SH3BP4: variants seen among roughly 807,000 people sequenced by gnomAD.
SH3BP4 encodes the protein SH3 domain-binding protein 4.
In SH3BP4, 33 loss-of-function variants were observed where a neutral mutation model predicts 65.5. The observed-to-expected ratio is 0.50, with a 90% confidence interval of 0.38 to 0.67. SH3BP4 has a LOEUF of 0.67. SH3BP4 is among the 30% of genes least tolerant of loss of function. The pLI, the probability that SH3BP4 is intolerant of heterozygous loss-of-function variation, is 0.00. For synonymous variants in SH3BP4, 552 were observed against 545.5 expected, an observed-to-expected ratio of 1.01 and a Z score of -0.17; for missense variants, 1,134 against 1,261.4, an observed-to-expected ratio of 0.90 and a Z score of 1.53.
intron 1 of SH3BP4, among the ~76,000 whole-genome samples, chr2:234,968,483 A>C (rs1210073770): frequency 6.7e-6 from 1 of 148,566 alleles, no homozygotes; most frequent in African/African-American, 2.5e-5. Context: ...TACTTTGGAG[A>C]ATTTATTGAA....
Position 235,045,268 on chromosome 2 carries a change from C to T in SH3BP4, c.2478+2021C>T, listed in dbSNP as rs1267306715. ...AGCATTGCTGAGCCCAGGACACTCA[C>T]CTCGACGTTGCACCAGAGGTGGAAA... On this transcript the variant is annotated intron_variant, in intron 4 of 5. Transcript: ENST00000392011. This position sits in a 1 kb window ranked among gnomAD's most constrained non-coding sequence, Gnocchi z 4.3. 2.0e-5 allele frequency among the ~76,000 whole-genome samples: 3 copies of T among 152,164 alleles called. No individual in the cohort carries two copies. The highest frequency in any genetic ancestry group is 7.2e-5 in the African/African-American group (3 of 41,432).
chr2:235,021,718 C>G (rs897134913), intron 2 of SH3BP4, among the ~76,000 whole-genome samples: 1 of 151,426 alleles, frequency 6.6e-6, no homozygotes, highest in African/African-American at 2.4e-5. Flanking sequence ...GCATAGAAGC[C>G]AGACCTTCCA....
rs371391921 is a variant in SH3BP4 at position 235,042,879 on chromosome 2, A to T, written c.2110A>T (p.Ile704Phe). The part of the protein sequence containing the change: ...RGQLWTKEWY[I>F]GYYQGRVGLV... Reference sequence around the variant, plus strand: ...CCAGCTGTGGACCAAGGAGTGGTACATCGGCTACTACCAGGGCAGGGTGGG... The same window carrying T: ...CCAGCTGTGGACCAAGGAGTGGTACTTCGGCTACTACCAGGGCAGGGTGGG... Residue 704 changes from isoleucine (I) to phenylalanine (F), a missense_variant, in exon 4 of 6, where the codon ATC (isoleucine) becomes TTC (phenylalanine). By Grantham distance (21) the Ile-to-Phe change is conservative. Transcript: ENST00000392011. This position sits in a 1 kb window ranked among gnomAD's most constrained non-coding sequence, Gnocchi z 7.3. The T allele has an allele frequency of 1.2e-6, 2 of 1,613,606 alleles. No homozygotes were observed. Among genetic ancestry groups the T allele is most frequent in the Admixed American group, 3.3e-5 (2 of 60,030 alleles).
At chr2:234,993,178 G>A (rs1244277914) in intron 1 of SH3BP4, among the ~76,000 whole-genome samples, 1 of 152,220 alleles carries the variant, frequency 6.6e-6, no homozygotes, top group Non-Finnish European at 1.5e-5. Context: ...GATGAGCCCC[G>A]GGGGTCGGTT....
At chr2:234,962,747 CT>C (rs555993781) in intron 1 of SH3BP4, among the ~76,000 whole-genome samples, 8,243 of 146,206 alleles carry the variant, frequency 0.056, 302 homozygotes, top group Non-Finnish European at 0.077. Flanking sequence ...GAATACTATG[CT>C]TTTTTTTTTT....
At chr2:234,982,029 T>TG (rs1693403168) in intron 1 of SH3BP4, among the ~76,000 whole-genome samples, 2 of 152,104 alleles carry the variant, frequency 1.3e-5, no homozygotes, top group Non-Finnish European at 2.9e-5. Flanking sequence ...GCACAGGCAG[T>TG]GGGGTCCAGG....
chr2:235,003,167 T>A (rs1694186172), intron 2 of SH3BP4, among the ~76,000 whole-genome samples: 1 of 152,366 alleles, frequency 6.6e-6, no homozygotes, highest in African/African-American at 2.4e-5. Flanking sequence ...CTTCGGTGGA[T>A]GGGGCATGGC....
At chr2:234,961,432 C>T (rs1692712453) in intron 1 of SH3BP4, among the ~76,000 whole-genome samples, 1 of 152,064 alleles carries the variant, frequency 6.6e-6, no homozygotes, top group Non-Finnish European at 1.5e-5. Context: ...CCACCATGCC[C>T]AGCTAATTTT....
At position 234,967,582 on chromosome 2, in the gene SH3BP4, C is replaced by T. The variant is rs188497830; in HGVS notation, c.-207+15412C>T. 7.2e-5 allele frequency among the ~76,000 whole-genome samples: 11 copies of T among 152,338 alleles called. No individual in the cohort carries two copies. Among genetic ancestry groups the T allele is most frequent in the African/African-American group, 2.6e-4 (11 of 41,578 alleles). On this transcript the variant is annotated intron_variant, in intron 1 of 5. Transcript: ENST00000392011. The surrounding 1 kb of genome is among the most constrained non-coding windows in gnomAD (Gnocchi z 4.6). ...ACTTCCCTAAGTGGTATTGGAGCTG[C>T]GCTCATTGCAATAAGGAATTATTCT...
chr2:235,043,860 G>A (rs976421193), intron 4 of SH3BP4, among the ~76,000 whole-genome samples: 1 of 152,288 alleles, frequency 6.6e-6, no homozygotes, highest in African/African-American at 2.4e-5. Flanking sequence ...TGGAGATGGG[G>A]TTTACGGGGG....
chr2:235,048,870 G>A (rs758460595), intron 4 of SH3BP4, among the ~76,000 whole-genome samples: 12 of 152,326 alleles, frequency 7.9e-5, no homozygotes, highest in East Asian at 3.9e-4. Flanking sequence ...TGAAACCAGG[G>A]TAGTGCAGCA....
chr2:234,964,741 G>C (rs73997594), intron 1 of SH3BP4, among the ~76,000 whole-genome samples: 3,476 of 152,272 alleles, frequency 0.023, 147 homozygotes, highest in African/African-American at 0.079. Flanking sequence ...TTCCGGGGCA[G>C]GTGGCTGGAT....
intron 2 of SH3BP4, among the ~76,000 whole-genome samples, chr2:235,020,947 C>G (rs1232354176): frequency 6.6e-6 from 1 of 152,198 alleles, no homozygotes; most frequent in Admixed American, 6.5e-5. Flanking sequence ...CAGGGAGGGG[C>G]AAACTGTAGT....
chr2:235,048,262 G>A (rs1469416515), intron 4 of SH3BP4, among the ~76,000 whole-genome samples: 1 of 152,210 alleles, frequency 6.6e-6, no homozygotes, highest in Admixed American at 6.5e-5. Flanking sequence ...TGTTGGGAAG[G>A]AAGCAGGATG....
At position 235,046,356 on chromosome 2, in the gene SH3BP4, C is replaced by G. The variant is rs1695858912; in HGVS notation, c.2478+3109C>G. Among the ~76,000 whole-genome samples the G allele has an allele frequency of 6.6e-6, 1 of 152,104 alleles. No individual in the cohort carries two copies. Among genetic ancestry groups the G allele is most frequent in the South Asian group, 2.1e-4 (1 of 4,830 alleles). ...GGCTGAGACAGGAGAATCGCTTGAG[C>G]CCGGGAATTCAAGACCAGCCTGAGC... On this transcript the variant is annotated intron_variant, in intron 4 of 5. Coordinates refer to ENST00000392011, the MANE Select transcript of SH3BP4 (RefSeq NM_014521.3). This position sits in a 1 kb window ranked among gnomAD's most constrained non-coding sequence, Gnocchi z 4.2.
In SH3BP4 at chr2:234,976,620, TA is replaced by T. The variant is rs1458782865; in HGVS notation, c.-206-18681del. Among the ~76,000 whole-genome samples, 1 of 152,040 alleles carries T rather than the reference TA, an allele frequency of 6.6e-6. No homozygotes were observed. The highest frequency in any genetic ancestry group is 1.9e-4 in the East Asian group (1 of 5,162). On this transcript the variant is annotated intron_variant, in intron 1 of 5. Coordinates refer to ENST00000392011, the MANE Select transcript of SH3BP4 (RefSeq NM_014521.3). This position sits in a 1 kb window ranked among gnomAD's most constrained non-coding sequence, Gnocchi z 4.7. ...GCAAGCAGGGGCCTGCGGAAGGGGTTAAGAGGGGCTGGGCAGGTGACCAAGG... is the reference window on the plus strand; with the variant it reads ...GCAAGCAGGGGCCTGCGGAAGGGGTTAGAGGGGCTGGGCAGGTGACCAAGG...
At chr2:234,971,873 A>G (rs140265929) in intron 1 of SH3BP4, among the ~76,000 whole-genome samples, 2 of 151,770 alleles carry the variant, frequency 1.3e-5, no homozygotes, top group African/African-American at 2.4e-5. Context: ...CTGGAGTGCA[A>G]TGGCGTGATT....
rs1187975954 is a variant in SH3BP4, at chr2:234,952,496, C to G, written c.-207+326C>G. Among the ~76,000 whole-genome samples the G allele has an allele frequency of 6.6e-6, 1 of 151,616 alleles. No homozygotes were observed. Among genetic ancestry groups the G allele is most frequent in the East Asian group, 2.0e-4 (1 of 5,080 alleles). On this transcript the variant is annotated intron_variant, in intron 1 of 5. Transcript: ENST00000392011. The surrounding 1 kb of genome is among the most constrained non-coding windows in gnomAD (Gnocchi z 6.5). Reference sequence around the variant, plus strand: ...CGCCCCCCAACCCCGGCTCTGGCCACTTCCCGGCGGGCGGCCCTGCGGGGT... The same window carrying G: ...CGCCCCCCAACCCCGGCTCTGGCCAGTTCCCGGCGGGCGGCCCTGCGGGGT...
intron 1 of SH3BP4, among the ~76,000 whole-genome samples, chr2:234,955,254 G>A (rs765566801): frequency 6.6e-6 from 1 of 152,116 alleles, no homozygotes; most frequent in Non-Finnish European, 1.5e-5. Context: ...CCAGGAGCGA[G>A]CCTCAGGCCA....
Sources: gnomAD v4.1 joint callset for allele counts (sites outside exome capture counted in the v4.1 genomes callset) on GRCh38, gnomAD v4.1.1 for gene constraint, Gnocchi (gnomAD v3.1) non-coding constraint, MANE v1.5 for transcripts, NCBI Gene and HGNC (gene_info 2026-07-23, HGNC 2026-07-21) for gene names.